Variants in FAF1 observed in about 807,000 individuals in gnomAD.
FAF1 encodes FAS-associated factor 1.
FAF1 carries 25 observed loss-of-function variants against 92.5 expected under a neutral mutation model. That is an observed-to-expected ratio of 0.27 (90% CI 0.20 to 0.38). The LOEUF (loss-of-function observed/expected upper bound fraction) is 0.38. FAF1 is among the 10% of genes least tolerant of loss of function. The probability of loss-of-function intolerance (pLI) is 1.00; values close to 1 mark genes in which losing one functional copy is unlikely to be tolerated. For missense variants in FAF1, 636 were observed against 793.3 expected, an observed-to-expected ratio of 0.80 and a Z score of 2.38; for synonymous variants, 234 against 273.2, an observed-to-expected ratio of 0.86 and a Z score of 1.42.
intron 2 of FAF1, among the ~76,000 whole-genome samples, chr1:50,845,281 A>T (rs1245318795): frequency 1.3e-5 from 2 of 152,204 alleles, no homozygotes; most frequent in African/African-American, 2.4e-5. Flanking sequence ...GCGTAAGGAT[A>T]CCCAGTATTC....
At chr1:50,588,561 C>T (rs1473263561) in intron 9 of FAF1, among the ~76,000 whole-genome samples, 2 of 152,076 alleles carry the variant, frequency 1.3e-5, no homozygotes, top group East Asian at 3.9e-4. Flanking sequence ...CTGGGGCATG[C>T]TGTGGCATGG....
At chr1:50,723,923 A>AT (rs1258129886) in intron 6 of FAF1, among the ~76,000 whole-genome samples, 2 of 151,758 alleles carry the variant, frequency 1.3e-5, no homozygotes, top group Non-Finnish European at 1.5e-5. Context: ...TAATTTTTGT[A>AT]TTTTTAGTAG....
At chr1:50,882,443 A>T (rs1570095295) in intron 1 of FAF1, among the ~76,000 whole-genome samples, 1 of 151,456 alleles carries the variant, frequency 6.6e-6, no homozygotes, top group Non-Finnish European at 1.5e-5. Flanking sequence ...AAAATACAAA[A>T]ATTAAAAAAT....
intron 13 of FAF1, 42 bp downstream of exon 13, chr1:50,567,035 T>C: frequency 6.9e-7 from 1 of 1,448,994 alleles, no homozygotes; most frequent in South Asian, 1.5e-5. Context: ...GATTTTTTTT[T>C]TAATAGAAGC....
intron 7 of FAF1, among the ~76,000 whole-genome samples, chr1:50,656,642 G>A (rs1655126150): frequency 6.6e-6 from 1 of 152,098 alleles, no homozygotes; most frequent in Admixed American, 6.5e-5. Context: ...TAGCACTTTG[G>A]GAGGCCGAGG....
chr1:50,890,372 A>T (rs1273933873), intron 1 of FAF1, among the ~76,000 whole-genome samples: 1 of 152,220 alleles, frequency 6.6e-6, no homozygotes, highest in East Asian at 1.9e-4. Context: ...TTTAAGGTTA[A>T]TATTGTTATG....
At chr1:50,694,479 A>G (rs1338834416) in intron 7 of FAF1, among the ~76,000 whole-genome samples, 7 of 151,374 alleles carry the variant, frequency 4.6e-5, no homozygotes, top group Non-Finnish European at 1.0e-4. Context: ...AATTAATTTT[A>G]TTTAAATGTG....
At chr1:50,474,402 A>G (rs1406977711) in intron 18 of FAF1, among the ~76,000 whole-genome samples, 3 of 151,938 alleles carry the variant, frequency 2.0e-5, no homozygotes, top group African/African-American at 7.3e-5. Context: ...TTTCAGGGGT[A>G]GTTTGTTTTT....
chr1:50,922,913 G>A (rs530818387), intron 1 of FAF1, among the ~76,000 whole-genome samples: 1 of 143,336 alleles, frequency 7.0e-6, no homozygotes, highest in South Asian at 2.3e-4. Context: ...ACTAACAAAA[G>A]AAATTCAGAA....
intron 1 of FAF1, among the ~76,000 whole-genome samples, chr1:50,917,308 A>G (rs1163121508): frequency 6.6e-6 from 1 of 152,166 alleles, no homozygotes; most frequent in Non-Finnish European, 1.5e-5. Flanking sequence ...ACAAGATGGT[A>G]TAAGATCCTG....
intron 4 of FAF1, among the ~76,000 whole-genome samples, chr1:50,784,513 A>C (rs1661295409): frequency 6.6e-6 from 1 of 152,188 alleles, no homozygotes; most frequent in Non-Finnish European, 1.5e-5. Flanking sequence ...TCCACTAAAA[A>C]CTACAAAACA....
chr1:50,796,225 A>T (rs921658165), intron 3 of FAF1, among the ~76,000 whole-genome samples: 3 of 151,812 alleles, frequency 2.0e-5, no homozygotes, highest in Non-Finnish European at 2.9e-5. Flanking sequence ...ACACACACAC[A>T]CACCCCTATC....
intron 2 of FAF1, among the ~76,000 whole-genome samples, chr1:50,850,259 C>T (rs193233130): frequency 2.0e-5 from 3 of 152,046 alleles, no homozygotes; most frequent in East Asian, 1.9e-4. Context: ...AGCTGGATTA[C>T]GAAGCTATAC....
chr1:50,797,539 G>T (rs961026363), intron 3 of FAF1, among the ~76,000 whole-genome samples: 18 of 151,746 alleles, frequency 1.2e-4, no homozygotes, highest in Admixed American at 2.6e-4. Context: ...TCTCTACAAA[G>T]AATACAAAAA....
At chr1:50,512,505 G>C (rs780240275) in intron 15 of FAF1, among the ~76,000 whole-genome samples, 1 of 152,080 alleles carries the variant, frequency 6.6e-6, no homozygotes, top group Non-Finnish European at 1.5e-5. Flanking sequence ...CTTTCCCCTT[G>C]CTTGTTTTTG....
intron 18 of FAF1, among the ~76,000 whole-genome samples, chr1:50,444,670 T>A (rs538621846): frequency 1.2e-4 from 19 of 152,218 alleles, no homozygotes; most frequent in Non-Finnish European, 1.8e-4. Flanking sequence ...ACTTATCGAG[T>A]GCCTACTATG....
chr1:50,618,625 A>T (rs1007161459), intron 8 of FAF1, among the ~76,000 whole-genome samples: 1 of 151,966 alleles, frequency 6.6e-6, no homozygotes, highest in Non-Finnish European at 1.5e-5. Flanking sequence ...ATGCTGGGTG[A>T]GCATATATTT....
intron 7 of FAF1, among the ~76,000 whole-genome samples, chr1:50,678,563 C>CGA (rs1024214222): frequency 1.3e-5 from 2 of 151,754 alleles, no homozygotes; most frequent in African/African-American, 4.8e-5. Context: ...TGGTGGATCA[C>CGA]GAGGTCAGGA....
chr1:50,548,839 T>C (rs564162854), intron 13 of FAF1, among the ~76,000 whole-genome samples: 4 of 152,260 alleles, frequency 2.6e-5, no homozygotes, highest in Non-Finnish European at 5.9e-5. Flanking sequence ...ACAAAGACTA[T>C]GGAGTCGAAC....
Sources: allele counts gnomAD v4.1 joint callset (sites outside exome capture counted in the v4.1 genomes callset), GRCh38; gene constraint gnomAD v4.1.1; transcripts MANE v1.5; gene names NCBI Gene and HGNC (gene_info 2026-07-23, HGNC 2026-07-21).